The following LARP4 variants were observed in gnomAD, a reference collection of about 807,000 sequenced individuals.
LARP4 encodes la-related protein 4.
A neutral mutation model predicts 92.9 loss-of-function variants in LARP4; 29 were observed. The ratio of observed to expected loss-of-function variants is 0.31; its 90% confidence interval spans 0.23 to 0.43. The LOEUF (loss-of-function observed/expected upper bound fraction) is 0.43, where lower values mean the gene tolerates loss of function less well. LARP4 is among the 20% of genes least tolerant of loss of function. LARP4 has a pLI of 1.00. For missense variants in LARP4, 732 were observed against 860.0 expected (o/e 0.85, Z 1.86); for synonymous variants, 279 against 284.1 (o/e 0.98, Z 0.18).
chr12:50,461,484 A>C lies in LARP4; in HGVS notation c.1334+137A>C. Reference sequence around the variant, plus strand: ...TATATTAAATAAATACGTTATTTTCAGAACATGAGTTGGTTGCTTTTTATA... The same window carrying C: ...TATATTAAATAAATACGTTATTTTCCGAACATGAGTTGGTTGCTTTTTATA... On this transcript the variant is annotated intron_variant, in intron 11 of 15. Transcript: ENST00000398473. 4 of 937,580 alleles carry C rather than the reference A, an allele frequency of 4.3e-6. No homozygotes were observed. In the South Asian group the frequency reaches 6.4e-5, roughly 15 times the overall value. 58.1% of individuals were successfully genotyped at this position (937,580 alleles called of 1,614,324 possible).
chr12:50,452,174 T>G (rs1302941040), intron 8 of LARP4, among the ~76,000 whole-genome samples: 1 of 152,186 alleles, frequency 6.6e-6, no homozygotes, highest in East Asian at 1.9e-4. Context: ...TAATTTCATT[T>G]CCTTTGGATA....
intron 12 of LARP4, among the ~76,000 whole-genome samples, chr12:50,462,947 C>T (rs535386801): frequency 5.9e-5 from 9 of 152,166 alleles, no homozygotes; most frequent in South Asian, 4.2e-4. Context: ...TCTTTCTTTT[C>T]CAAGACACAG....
intron 10 of LARP4, among the ~76,000 whole-genome samples, chr12:50,456,462 A>G (rs544544295): frequency 1.8e-4 from 28 of 151,864 alleles, no homozygotes; most frequent in Non-Finnish European, 1.8e-4. Context: ...AAAAGTGACT[A>G]CTTCTAAAAA....
intron 1 of LARP4, among the ~76,000 whole-genome samples, chr12:50,407,065 G>C (rs551057515): frequency 6.6e-6 from 1 of 151,332 alleles, no homozygotes; most frequent in Non-Finnish European, 1.5e-5. Context: ...TTGCTCTGTC[G>C]CCCAGGCTGG....
intron 1 of LARP4, chr12:50,402,697 G>T (rs181476002): frequency 2.2e-6 from 1 of 444,898 alleles, no homozygotes; most frequent in Non-Finnish European, 4.5e-6. Context: ...AGCCCCAGAG[G>T]TTAAAGTAAC....
intron 10 of LARP4, among the ~76,000 whole-genome samples, chr12:50,455,605 C>T (rs920430221): frequency 3.3e-5 from 5 of 151,974 alleles, no homozygotes; most frequent in Non-Finnish European, 4.4e-5. Flanking sequence ...GAACTTAGTC[C>T]TTTTTTGACA....
chr12:50,405,162 G>A (rs548615143), intron 1 of LARP4, among the ~76,000 whole-genome samples: 2 of 151,938 alleles, frequency 1.3e-5, no homozygotes, highest in Admixed American at 1.3e-4. Context: ...GCCTCCTAAA[G>A]TGCTGGGATT....
At chr12:50,421,429 G>T in intron 1 of LARP4, 1 of 202,610 alleles carries the variant, frequency 4.9e-6, no homozygotes, top group Non-Finnish European at 8.7e-6. Flanking sequence ...GGATCAAGAG[G>T]TCAGGAGATC....
intron 10 of LARP4, 79 bp from the exon 11 acceptor site, chr12:50,461,056 A>G: frequency 8.7e-7 from 1 of 1,144,618 alleles, no homozygotes; most frequent in East Asian, 2.3e-5. Flanking sequence ...GTACAACAGG[A>G]GCCAATTTTT....
chr12:50,457,223 A>T (rs6580752), intron 10 of LARP4, among the ~76,000 whole-genome samples: 136,138 of 140,824 alleles, frequency 0.97, 65,915 homozygotes, highest in East Asian at 1. Flanking sequence ...TTTTTTTTTT[A>T]AAGACGGAGT....
chr12:50,470,093 G>A (rs545945641), intron 13 of LARP4, among the ~76,000 whole-genome samples: 4 of 151,808 alleles, frequency 2.6e-5, no homozygotes, highest in Admixed American at 6.6e-5. Flanking sequence ...GCATGGTGAC[G>A]TATGCCTGTA....
chr12:50,453,643 A>G lies in LARP4; in HGVS notation c.988A>G (p.Asn330Asp). ...TATTGTGCCTCAGTCTTGGTCTCCA[A>G]ATCCTACACCTTACTTTGAAACACC... ...YSIVPQSWSP[N>D]PTPYFETPLA... is the part of the protein sequence containing the mutation. The change falls in exon 9 of 16, where the codon AAT (asparagine) becomes GAT (aspartate). Residue 330 changes from asparagine to aspartate, a missense_variant. This residue lies in a region of LARP4 where 264 missense variants were observed against 269.5 expected (regional missense o/e 0.98). Coordinates refer to ENST00000398473, the MANE Select transcript of LARP4 (RefSeq NM_052879.5). 4 of 1,609,022 alleles carry G rather than the reference A, an allele frequency of 2.5e-6. No homozygotes were observed. The highest frequency in any genetic ancestry group is 2.6e-6 in the Non-Finnish European group (3 of 1,176,168).
rs1944438408 is a variant in LARP4 at position 50,404,571 on chromosome 12, A to G, written c.18+3543A>G. Among the ~76,000 whole-genome samples the G allele has an allele frequency of 2.0e-5, 3 of 149,934 alleles. No homozygotes were observed. In the South Asian group the frequency reaches 6.4e-4, roughly 32 times the overall value. ...CCAACTATATTGACTTCAGTAGATT[A>G]TTGGTTTGTTTTATTTTTTTCCTCT... is the stretch of plus-strand genomic sequence containing the variant. On this transcript the variant is annotated intron_variant, in intron 1 of 15. Transcript: ENST00000398473.
At chr12:50,445,347 T>C (rs905679128) in intron 8 of LARP4, among the ~76,000 whole-genome samples, 1 of 152,206 alleles carries the variant, frequency 6.6e-6, no homozygotes, top group Non-Finnish European at 1.5e-5. Flanking sequence ...GTATATGATG[T>C]GTCCTTTTTC....
At position 50,400,950 on chromosome 12, in the gene LARP4, C is replaced by G. The variant is rs1592656345; in HGVS notation, c.-61C>G. The G allele has an allele frequency of 6.2e-7, 1 of 1,612,044 alleles. No homozygotes were observed. Among genetic ancestry groups the G allele is most frequent in the East Asian group, 2.2e-5 (1 of 44,840 alleles). On this transcript the variant is annotated 5_prime_UTR_variant, in exon 1 of 16. Transcript: ENST00000398473. ...TGTCCTTATCCTAGCAATTGGGGCGCGGGCCTGTGAGCCAGTTGGAGTTGC... is the reference window on the plus strand; with the variant it reads ...TGTCCTTATCCTAGCAATTGGGGCGGGGGCCTGTGAGCCAGTTGGAGTTGC...
chr12:50,401,042 G>T lies in LARP4; in HGVS notation c.18+14G>T. On this transcript the variant is annotated intron_variant, in intron 1 of 15. Coordinates refer to ENST00000398473, the MANE Select transcript of LARP4 (RefSeq NM_052879.5). ...CTTTTCGTGGAGGTGAGTGCATTAT[G>T]CTAGTCTCGTCCTGCTCTTAGGAGA... The T allele has an allele frequency of 6.2e-7, 1 of 1,614,070 alleles. No individual in the cohort carries two copies.
intron 4 of LARP4, among the ~76,000 whole-genome samples, chr12:50,432,870 A>AAG (rs1157090234): frequency 1.3e-5 from 2 of 151,260 alleles, no homozygotes; most frequent in African/African-American, 2.4e-5. Context: ...CAAAAAAAAA[A>AAG]AAAAAAAGAA....
intron 1 of LARP4, among the ~76,000 whole-genome samples, chr12:50,419,259 G>A (rs1291333823): frequency 1.3e-5 from 2 of 152,154 alleles, no homozygotes; most frequent in African/African-American, 4.8e-5. Flanking sequence ...AGGTACTTGG[G>A]AGGCTGAGAA....
chr12:50,430,627 T>G (rs1280248818), intron 4 of LARP4, 57 bp downstream of exon 4: 2 of 1,028,968 alleles, frequency 1.9e-6, no homozygotes, highest in East Asian at 4.9e-5. Flanking sequence ...ACGTGTGAAA[T>G]AGAGCGCAAG....
Sources: allele counts gnomAD v4.1 joint callset (sites outside exome capture counted in the v4.1 genomes callset), GRCh38; gene constraint gnomAD v4.1.1; regional missense constraint gnomAD v4.1.1; transcripts MANE v1.5; gene names NCBI Gene and HGNC (gene_info 2026-07-23, HGNC 2026-07-21).